DSCAM: variants seen among roughly 807,000 people sequenced by gnomAD.
DSCAM encodes DS cell adhesion molecule.
A neutral mutation model predicts 217.7 loss-of-function variants in DSCAM; 47 were observed. The ratio of observed to expected loss-of-function variants is 0.22; its 90% CI spans 0.17 to 0.28. DSCAM has a LOEUF of 0.28. Ranked by LOEUF, DSCAM falls within the 10% of genes least tolerant of loss-of-function variation. DSCAM has a pLI of 1.00. For synonymous variants in DSCAM, 1,056 were observed against 1,015.3 expected (o/e 1.04, Z -0.76); for missense variants, 2,080 against 2,618.3 (o/e 0.79, Z 4.49).
At chr21:40,481,563 G>T (rs1384465218) in intron 3 of DSCAM, among the ~76,000 whole-genome samples, 1 of 145,446 alleles carries the variant, frequency 6.9e-6, no homozygotes, top group African/African-American at 2.6e-5. Flanking sequence ...GCTCACAAGA[G>T]CAAAGGAAAG....
intron 3 of DSCAM, among the ~76,000 whole-genome samples, chr21:40,676,066 G>A (rs536114457): frequency 1.3e-5 from 2 of 152,250 alleles, no homozygotes; most frequent in East Asian, 3.9e-4. Flanking sequence ...TGCAACAAGT[G>A]TATATTTTAA....
At chr21:40,766,991 A>C (rs2091399107) in intron 1 of DSCAM, among the ~76,000 whole-genome samples, 1 of 151,994 alleles carries the variant, frequency 6.6e-6, no homozygotes, top group Non-Finnish European at 1.5e-5. Context: ...CAGCCAAAAA[A>C]CCTTTCTTAA....
intron 32 of DSCAM, among the ~76,000 whole-genome samples, chr21:40,032,645 G>A (rs1042878243): frequency 2.0e-5 from 3 of 151,168 alleles, no homozygotes; most frequent in Non-Finnish European, 4.4e-5. Flanking sequence ...AAAAGTGTTA[G>A]ATCTCGTCTG....
intron 10 of DSCAM, among the ~76,000 whole-genome samples, chr21:40,288,360 G>A (rs1278777603): frequency 6.6e-6 from 1 of 152,164 alleles, no homozygotes; most frequent in Non-Finnish European, 1.5e-5. Flanking sequence ...TTCACGTTAA[G>A]CTTTAAATTT....
intron 11 of DSCAM, among the ~76,000 whole-genome samples, chr21:40,230,657 T>C (rs2091373164): frequency 6.6e-6 from 1 of 152,232 alleles, no homozygotes; most frequent in Non-Finnish European, 1.5e-5. Context: ...TATTTTTACT[T>C]AGTTAAAAAT....
At chr21:40,615,841 A>C (rs931158880) in intron 3 of DSCAM, among the ~76,000 whole-genome samples, 9 of 152,116 alleles carry the variant, frequency 5.9e-5, no homozygotes, top group African/African-American at 2.2e-4. Context: ...TTAAAAAAAG[A>C]AAAAATATTT....
intron 32 of DSCAM, among the ~76,000 whole-genome samples, chr21:40,020,144 T>G (rs981113258): frequency 6.6e-6 from 1 of 152,172 alleles, no homozygotes; most frequent in Non-Finnish European, 1.5e-5. Context: ...CTCATGGTAG[T>G]GGATGAGTCT....
At chr21:40,759,006 C>T (rs555361080) in intron 1 of DSCAM, among the ~76,000 whole-genome samples, 5 of 152,248 alleles carry the variant, frequency 3.3e-5, no homozygotes, top group African/African-American at 9.6e-5. Context: ...TTGTGACAAT[C>T]CTTAGAGTAC....
At chr21:40,599,277 C>T (rs1027389751) in intron 3 of DSCAM, among the ~76,000 whole-genome samples, 6 of 152,214 alleles carry the variant, frequency 3.9e-5, no homozygotes, top group South Asian at 4.1e-4. Flanking sequence ...CATAGGTGTA[C>T]ATGTACCATG....
At chr21:40,643,918 G>A (rs540727686) in intron 3 of DSCAM, among the ~76,000 whole-genome samples, 1 of 152,340 alleles carries the variant, frequency 6.6e-6, no homozygotes, top group South Asian at 2.1e-4. Context: ...TACCCAGTCT[G>A]TGGATTTTGT....
At chr21:40,593,032 T>A (rs2076995152) in intron 3 of DSCAM, among the ~76,000 whole-genome samples, 1 of 152,222 alleles carries the variant, frequency 6.6e-6, no homozygotes, top group Admixed American at 6.5e-5. Context: ...AGTTTCTGGA[T>A]TAGAGTTCAA....
intron 1 of DSCAM, among the ~76,000 whole-genome samples, chr21:40,738,751 C>CA: frequency 6.6e-6 from 1 of 152,228 alleles, no homozygotes. Flanking sequence ...TTGATGCTGC[C>CA]AGTCAGGGGA....
chr21:40,577,975 C>T (rs1310357538), intron 3 of DSCAM, among the ~76,000 whole-genome samples: 1 of 152,062 alleles, frequency 6.6e-6, no homozygotes, highest in African/African-American at 2.4e-5. Context: ...AGTCAAAGAG[C>T]CAAGATGGAG....
chr21:40,036,145 A>G (rs2088617966), intron 32 of DSCAM, among the ~76,000 whole-genome samples: 2 of 140,248 alleles, frequency 1.4e-5, no homozygotes, highest in Non-Finnish European at 3.1e-5. Flanking sequence ...AGCTAGCAGA[A>G]GGCAAGAAAT....
chr21:40,594,425 G>A (rs76739010), intron 3 of DSCAM, among the ~76,000 whole-genome samples: 1 of 152,112 alleles, frequency 6.6e-6, no homozygotes, highest in Non-Finnish European at 1.5e-5. Flanking sequence ...TGTCGTTTCA[G>A]GAATATGACC....
intron 3 of DSCAM, among the ~76,000 whole-genome samples, chr21:40,592,947 T>C (rs920384522): frequency 2.2e-4 from 34 of 152,184 alleles, no homozygotes; most frequent in African/African-American, 8.2e-4. Context: ...GTACCAGTGA[T>C]TAAATGGAAA....
chr21:40,532,898 GT>G (rs1404399799), intron 3 of DSCAM, among the ~76,000 whole-genome samples: 215 of 138,632 alleles, frequency 1.6e-3, no homozygotes, highest in Admixed American at 2.1e-3. Flanking sequence ...GTGTGTGTGT[GT>G]GTGTGTGTGT....
At chr21:40,306,380 A>G (rs1601535640) in intron 9 of DSCAM, among the ~76,000 whole-genome samples, 1 of 151,352 alleles carries the variant, frequency 6.6e-6, no homozygotes, top group South Asian at 2.1e-4. Flanking sequence ...CAATCATGTC[A>G]TCTGCAAACA....
intron 3 of DSCAM, among the ~76,000 whole-genome samples, chr21:40,513,934 G>A (rs77347702): frequency 0.022 from 3,360 of 152,184 alleles, 120 homozygotes; most frequent in African/African-American, 0.076. Context: ...CACAGATTGG[G>A]ACAGAAAACA....
Sources: gnomAD v4.1 joint callset for allele counts (sites outside exome capture counted in the v4.1 genomes callset) on GRCh38, gnomAD v4.1.1 for gene constraint, MANE v1.5 for transcripts, NCBI Gene and HGNC (gene_info 2026-07-23, HGNC 2026-07-21) for gene names.